The following CLEC1B variants were observed in gnomAD, a reference collection of about 807,000 sequenced individuals.
CLEC1B encodes C-type lectin-like receptor 2.
CLEC1B carries 26 observed loss-of-function variants against 26.7 expected under a neutral mutation model. The observed-to-expected ratio is 0.97, with a 90% confidence interval of 0.71 to 1.35. The LOEUF is 1.35. Among genes scored for constraint, CLEC1B ranks in the 40% most tolerant of loss-of-function variants. The pLI is 0.00. For missense variants in CLEC1B, 293 were observed against 282.6 expected (o/e 1.04, Z -0.26); for synonymous variants, 112 against 96.0 (o/e 1.17, Z -0.97).
chr12:9,995,912 T>C (rs1406360416), intron 4 of CLEC1B, among the ~76,000 whole-genome samples: 2 of 152,208 alleles, frequency 1.3e-5, no homozygotes, highest in Non-Finnish European at 2.9e-5. Flanking sequence ...TCTGTCTTAC[T>C]AACTGCATAG....
At chr12:9,996,799 G>A (rs759152150) in intron 4 of CLEC1B, 47 bp downstream of exon 4, 1 of 1,601,946 alleles carries the variant, frequency 6.2e-7, no homozygotes, top group Non-Finnish European at 8.5e-7. Flanking sequence ...TACATTTGAG[G>A]TTTCTCTTCC....
Position 9,996,920 on chromosome 12 carries a change from T to A in CLEC1B, c.364A>T (p.Thr122Ser). The A allele has an allele frequency of 6.2e-7, 1 of 1,614,148 alleles. No homozygotes were observed. Among genetic ancestry groups the A allele is most frequent in the Non-Finnish European group, 8.5e-7 (1 of 1,179,980 alleles). The change falls in exon 4 of 6, where the codon ACA (threonine) becomes TCA (serine). Residue 122 changes from threonine to serine, a missense_variant. Coordinates refer to ENST00000298527, the MANE Select transcript of CLEC1B (RefSeq NM_016509.4). ...CAGTACTGCTTACTCTCTTCCCATG[T>A]TAAGTTGTGCCTGAAGAACCCATAG... ...SCYGFFRHNL[T>S]WEESKQYCTD...
At chr12:9,999,203 T>C, upstream of CLEC1B, 1 of 760,068 alleles carries the variant, frequency 1.3e-6, no homozygotes, top group East Asian at 2.5e-5. Flanking sequence ...TCTTCCTGTC[T>C]TTAGTAGGGT....
chr12:9,998,214 G>A (rs1478988494), intron 2 of CLEC1B, 68 bp downstream of exon 2: 1 of 1,174,796 alleles, frequency 8.5e-7, no homozygotes, highest in Non-Finnish European at 1.3e-6. Context: ...GAGAAGCTTA[G>A]TGGGATATGC....
Position 9,996,904 on chromosome 12 carries a change from T to C in CLEC1B, c.380A>G (p.Lys127Arg). ...AGCATTCATGTCAGTGCAGTACTGC[T>C]TACTCTCTTCCCATGTTAAGTTGTG... ...FRHNLTWEES[K>R]QYCTDMNATL... The change falls in exon 4 of 6, where the codon AAG becomes AGG. Residue 127 changes from lysine to arginine, a missense_variant. Coordinates refer to ENST00000298527, the MANE Select transcript of CLEC1B (RefSeq NM_016509.4). 6.2e-7 allele frequency: 1 copy of C among 1,613,970 alleles called. No homozygotes were observed. The highest frequency in any genetic ancestry group is 8.5e-7 in the Non-Finnish European group (1 of 1,179,850).
intron 1 of CLEC1B, 39 bp downstream of exon 1, chr12:9,998,998 T>A (rs564436612): frequency 1.3e-5 from 15 of 1,187,178 alleles, no homozygotes; most frequent in Middle Eastern, 1.9e-4. Context: ...ACTCATTTTT[T>A]AAATTAATTT....
At chr12:9,993,356 A>C (rs774424562) in intron 5 of CLEC1B, 69 bp from the exon 6 acceptor site, 3 of 1,203,866 alleles carry the variant, frequency 2.5e-6, no homozygotes, top group African/African-American at 3.1e-5. Context: ...GACTCTGCGT[A>C]TAGTAGTTTG....
intron 4 of CLEC1B, 86 bp from the exon 5 acceptor site, chr12:9,995,332 A>C: frequency 8.9e-7 from 1 of 1,123,858 alleles, no homozygotes. Flanking sequence ...AAGACGTTGG[A>C]CAAAAAATGT....
At position 9,997,283 on chromosome 12, in the gene CLEC1B, G is replaced by A. The variant is rs1372446094; in HGVS notation, c.164-4C>T. The A allele has an allele frequency of 6.2e-7, 1 of 1,604,424 alleles. No individual in the cohort carries two copies. The highest frequency in any genetic ancestry group is 8.5e-7 in the Non-Finnish European group (1 of 1,174,340). On this transcript the variant is annotated splice_polypyrimidine_tract_variant and splice_region_variant and intron_variant, in intron 2 of 5. Transcript: ENST00000298527. The stretch of plus-strand genomic sequence containing the variant: ...AGGTAATTGCGCTGCATGACAGCTA[G>A]GTTTAAAAAGTAAATAATAATAATT...
chr12:10,000,183 C>A (rs747227920), upstream of CLEC1B, among the ~76,000 whole-genome samples: 1 of 152,124 alleles, frequency 6.6e-6, no homozygotes, highest in Non-Finnish European at 1.5e-5. Flanking sequence ...AATTTGAATT[C>A]TATTTTTCTT....
At chr12:9,995,301 T>C (rs1224270515) in intron 4 of CLEC1B, 55 bp from the exon 5 acceptor site, 1 of 1,439,610 alleles carries the variant, frequency 6.9e-7, no homozygotes, top group African/African-American at 1.4e-5. Context: ...GCTCTTGGTA[T>C]GATAGACAAA....
At chr12:9,999,817 G>A (rs1341789889), upstream of CLEC1B, among the ~76,000 whole-genome samples, 1 of 152,188 alleles carries the variant, frequency 6.6e-6, no homozygotes, top group East Asian at 1.9e-4. Flanking sequence ...GCTTTAAAGT[G>A]AGTTTCCTGG....
rs762729909 is a variant in CLEC1B at position 9,996,892 on chromosome 12, G to C, written c.392C>G (p.Thr131Ser). The C allele has an allele frequency of 6.2e-7, 1 of 1,613,844 alleles. No homozygotes were observed. The highest frequency in any genetic ancestry group is 1.3e-5 in the African/African-American group (1 of 74,904). Residue 131 changes from threonine (T) to serine (S), a missense_variant, in exon 4 of 6, where the codon ACT (threonine) becomes AGT (serine). Transcript: ENST00000298527. ...LTWEESKQYC[T>S]DMNATLLKID... ...CTTCAGGAGAGTAGCATTCATGTCA[G>C]TGCAGTACTGCTTACTCTCTTCCCA...
upstream of CLEC1B, among the ~76,000 whole-genome samples, chr12:10,000,625 C>T (rs552655060): frequency 8.5e-5 from 13 of 152,296 alleles, no homozygotes; most frequent in African/African-American, 3.1e-4. Flanking sequence ...TTCAGGGGTT[C>T]CCAATCATAA....
chr12:9,994,969 G>C (rs936640640), intron 5 of CLEC1B, 171 bp downstream of exon 5: 1 of 1,497,264 alleles, frequency 6.7e-7, no homozygotes, highest in Non-Finnish European at 9.0e-7. Context: ...AGTAATGGGA[G>C]AGAGGGGAAA....
Position 9,993,124 on chromosome 12 carries a change from T to G in CLEC1B, c.*19A>C. On this transcript the variant is annotated 3_prime_UTR_variant, in exon 6 of 6. Coordinates refer to ENST00000298527, the MANE Select transcript of CLEC1B (RefSeq NM_016509.4). ...TACAATAAAGCCCTTATCTGTGTTA[T>G]CCTGTCCACCTCTTTGCATTAAGGT... 1 of 1,602,922 alleles carries G rather than the reference T, an allele frequency of 6.2e-7. No individual in the cohort carries two copies. Among genetic ancestry groups the G allele is most frequent in the Non-Finnish European group, 8.5e-7 (1 of 1,172,186 alleles).
chr12:9,993,380 A>C (rs2137230168), intron 5 of CLEC1B, 93 bp from the exon 6 acceptor site: 1 of 865,778 alleles, frequency 1.2e-6, no homozygotes, highest in Non-Finnish European at 1.8e-6. Flanking sequence ...CACCAAATAG[A>C]GACTGAGGAA....
rs745586944 is a variant in CLEC1B, at chr12:9,995,157, C to A, written c.528G>T (p.Ser176=). 39 of 1,612,614 alleles carry A rather than the reference C, an allele frequency of 2.4e-5. No individual in the cohort carries two copies. Among genetic ancestry groups the A allele is most frequent in the Non-Finnish European group, 3.1e-5 (37 of 1,178,930 alleles). The part of the protein sequence containing the change: ...SNEVWKWEDG[S]VISENMFEFL... ...TGACTTACATATTTTCTGAGATAAC[C>A]GAGCCATCCTCCCACTTCCAGACCT... Residue 176 remains serine (S), a synonymous_variant, in exon 5 of 6, where the codon TCG becomes TCT. Coordinates refer to ENST00000298527, the MANE Select transcript of CLEC1B (RefSeq NM_016509.4).
chr12:9,996,547 C>A (rs1454432530), intron 4 of CLEC1B, among the ~76,000 whole-genome samples: 1 of 152,096 alleles, frequency 6.6e-6, no homozygotes, highest in Non-Finnish European at 1.5e-5. Flanking sequence ...GTTAGAACAA[C>A]AGAGGACACA....
Sources: gnomAD v4.1 joint callset for allele counts (sites outside exome capture counted in the v4.1 genomes callset) on GRCh38, gnomAD v4.1.1 for gene constraint, MANE v1.5 for transcripts, NCBI Gene and HGNC (gene_info 2026-07-23, HGNC 2026-07-21) for gene names.